ICA1: variants seen among roughly 807,000 people sequenced by gnomAD.
ICA1 encodes the protein islet cell autoantigen 1.
Under a neutral mutation model 71.0 loss-of-function variants are expected in ICA1, and 40 were observed. That is an observed-to-expected ratio of 0.56 (90% CI 0.44 to 0.73). The LOEUF (loss-of-function observed/expected upper bound fraction) is 0.73, where lower values mean the gene tolerates loss of function less well. ICA1 is among the 30% of genes least tolerant of loss of function. The pLI, the probability that ICA1 is intolerant of heterozygous loss-of-function variation, is 0.00. For synonymous variants in ICA1, 207 were observed against 209.5 expected, an observed-to-expected ratio of 0.99 and a Z score of 0.10; for missense variants, 578 against 576.5, an observed-to-expected ratio of 1.00 and a Z score of -0.03.
intron 6 of ICA1, among the ~76,000 whole-genome samples, chr7:8,207,597 C>T (rs1359844230): frequency 2.0e-5 from 3 of 152,196 alleles, no homozygotes; most frequent in African/African-American, 7.2e-5. Flanking sequence ...TTATCAATAA[C>T]TCACTAAAGG....
intron 6 of ICA1, among the ~76,000 whole-genome samples, chr7:8,196,271 T>C (rs1244887088): frequency 6.6e-6 from 1 of 152,202 alleles, no homozygotes; most frequent in Admixed American, 6.5e-5. Flanking sequence ...CTACCTGCTA[T>C]ATGATTCCAA....
intron 1 of ICA1, among the ~76,000 whole-genome samples, chr7:8,242,811 C>T (rs1804465670): frequency 6.6e-6 from 1 of 152,184 alleles, no homozygotes; most frequent in Admixed American, 6.5e-5. Context: ...ACTAGAAAAT[C>T]TAGAAGAAAT....
chr7:8,178,818 G>C (rs905259619), intron 6 of ICA1, among the ~76,000 whole-genome samples: 2 of 152,090 alleles, frequency 1.3e-5, no homozygotes, highest in African/African-American at 4.8e-5. Flanking sequence ...AGTAACGCTT[G>C]GTGTCAGTGA....
intron 1 of ICA1, among the ~76,000 whole-genome samples, chr7:8,242,900 G>A (rs553672004): frequency 6.6e-6 from 1 of 152,070 alleles, no homozygotes; most frequent in East Asian, 1.9e-4. Flanking sequence ...CCAATAACAG[G>A]CTCTGAAATT....
intron 6 of ICA1, among the ~76,000 whole-genome samples, chr7:8,190,897 T>C (rs150092251): frequency 5.3e-4 from 80 of 152,344 alleles, no homozygotes; most frequent in African/African-American, 1.8e-3. Flanking sequence ...TGCTTTGACT[T>C]AGTGCAGAAA....
At chr7:8,180,605 A>C (rs1003052572) in intron 6 of ICA1, among the ~76,000 whole-genome samples, 5 of 152,178 alleles carry the variant, frequency 3.3e-5, no homozygotes, top group South Asian at 2.1e-4. Flanking sequence ...CACTCCGACT[A>C]TCAGTGCATG....
intron 6 of ICA1, among the ~76,000 whole-genome samples, chr7:8,168,398 C>T (rs1056521194): frequency 2.0e-5 from 3 of 152,080 alleles, no homozygotes; most frequent in Non-Finnish European, 2.9e-5. Context: ...AAGAGGAAAT[C>T]GAGACCCAGA....
rs530405261 is a variant in ICA1, at chr7:8,172,005, C to CTGTT, written c.580-13357_580-13354dup. Among the ~76,000 whole-genome samples, 91 of 151,948 alleles carry CTGTT rather than the reference C, an allele frequency of 6.0e-4. No homozygotes were observed. The East Asian group carries it at 0.016, about 27-fold the overall frequency. On this transcript the variant is annotated intron_variant, in intron 6 of 13. Coordinates refer to ENST00000402384, the MANE Select transcript of ICA1 (RefSeq NM_001136020.3). ...TTGATTTTTAAAAATTTATTCAGAC[C>CTGTT]TGTTTTATAAACCTAAACACAGTCT...
intron 6 of ICA1, among the ~76,000 whole-genome samples, chr7:8,160,454 C>T (rs182894244): frequency 5.0e-4 from 76 of 152,282 alleles, no homozygotes; most frequent in Middle Eastern, 3.4e-3. Flanking sequence ...CTAAATTAGC[C>T]GGCCTGACTC....
chr7:8,225,578 C>T (rs1310728069), intron 4 of ICA1, among the ~76,000 whole-genome samples: 1 of 152,198 alleles, frequency 6.6e-6, no homozygotes. Context: ...GCCAGATGTA[C>T]TCACTGCTAT....
intron 1 of ICA1, among the ~76,000 whole-genome samples, chr7:8,259,605 A>G (rs1486065369): frequency 6.6e-6 from 1 of 152,216 alleles, no homozygotes; most frequent in Non-Finnish European, 1.5e-5. Flanking sequence ...TTTTATATAC[A>G]TTATCTCTAA....
rs1794222534 is a variant in ICA1, at chr7:8,138,782, A to G, written c.1060+58T>C. The G allele has an allele frequency of 9.8e-6, 13 of 1,329,770 alleles. No individual in the cohort carries two copies. In the Admixed American group the frequency reaches 2.5e-4, roughly 26 times the overall value. The allele number at this position is 1,329,770 out of a possible 1,614,324, so 82.4% of individuals were successfully genotyped here. ...TTAAGATTACACTTTCTTACATGTA[A>G]AAGAGTAATTTAAAAAATCAAACAA... On this transcript the variant is annotated intron_variant, in intron 12 of 13. Coordinates refer to ENST00000402384, the MANE Select transcript of ICA1 (RefSeq NM_001136020.3).
At chr7:8,181,099 T>C (rs1782073905) in intron 6 of ICA1, among the ~76,000 whole-genome samples, 1 of 152,138 alleles carries the variant, frequency 6.6e-6, no homozygotes, top group Non-Finnish European at 1.5e-5. Flanking sequence ...TTTAAAAGAG[T>C]TATTGTTCTG....
chr7:8,194,845 G>T (rs1223440282), intron 6 of ICA1, among the ~76,000 whole-genome samples: 1 of 151,962 alleles, frequency 6.6e-6, no homozygotes, highest in Non-Finnish European at 1.5e-5. Context: ...GTCTTTTTCT[G>T]TATTAAATCT....
chr7:8,143,313 T>C (rs1282515972), intron 9 of ICA1, among the ~76,000 whole-genome samples: 1 of 152,230 alleles, frequency 6.6e-6, no homozygotes, highest in African/African-American at 2.4e-5. Flanking sequence ...GAAATGGAGA[T>C]GGAGCAGTCA....
Position 8,218,488 on chromosome 7 carries a change from ATTTCGTAAGGC to A in ICA1, c.385_395del (p.Ala129SerfsTer35). The A allele has an allele frequency of 3.1e-6, 5 of 1,614,074 alleles. No individual in the cohort carries two copies. The highest frequency in any genetic ancestry group is 4.2e-6 in the Non-Finnish European group (5 of 1,179,972). On this transcript the variant is annotated frameshift_variant, in exon 6 of 14. Coordinates refer to ENST00000402384, the MANE Select transcript of ICA1 (RefSeq NM_001136020.3). LOFTEE classifies it high-confidence loss of function. ...CTTCTTGGTGAAATCGACACAAAGG[ATTTCGTAAGGC>A]CAACCTAGACAAGAGGACAAAGCCA...
chr7:8,168,203 C>G (rs562169309), intron 6 of ICA1, among the ~76,000 whole-genome samples: 1 of 152,210 alleles, frequency 6.6e-6, no homozygotes, highest in African/African-American at 2.4e-5. Context: ...ACACAGGCTG[C>G]TTACTTTTGC....
chr7:8,249,553 G>GAGTT (rs1055254551), intron 1 of ICA1, among the ~76,000 whole-genome samples: 2 of 152,182 alleles, frequency 1.3e-5, no homozygotes, highest in African/African-American at 4.8e-5. Flanking sequence ...CTTTGTTAGG[G>GAGTT]AGTTAGTTTT....
At position 8,230,191 on chromosome 7, in the gene ICA1, T is replaced by G. The variant is rs144492190; in HGVS notation, c.184-1518A>C. 1.8e-4 allele frequency among the ~76,000 whole-genome samples: 27 copies of G among 152,352 alleles called. No homozygotes were observed. In the East Asian group the frequency reaches 5.0e-3, roughly 28 times the overall value. On this transcript the variant is annotated intron_variant, in intron 3 of 13. Transcript: ENST00000402384. Reference sequence around the variant, plus strand: ...AGATTACTTTTGTCTGTTATTGTACTGAAGAGCTGTTTTTCAGAAAAGGAT... The same window carrying G: ...AGATTACTTTTGTCTGTTATTGTACGGAAGAGCTGTTTTTCAGAAAAGGAT...
Sources: gnomAD v4.1 joint callset for allele counts (sites outside exome capture counted in the v4.1 genomes callset) on GRCh38, gnomAD v4.1.1 for gene constraint, MANE v1.5 for transcripts, NCBI Gene and HGNC (gene_info 2026-07-23, HGNC 2026-07-21) for gene names.